ZNF727: variants seen among roughly 807,000 people sequenced by gnomAD.
ZNF727 encodes the protein zinc finger protein 727.
Under a neutral mutation model 11.5 loss-of-function variants are expected in ZNF727, and 11 were observed. That is an observed-to-expected ratio of 0.95 (90% CI 0.60 to 1.58). ZNF727 has a LOEUF of 1.58. ZNF727 is among the 40% of genes most tolerant of loss of function. The pLI is 0.00. For synonymous variants in ZNF727, 171 were observed against 196.1 expected (o/e 0.87, Z 1.07); for missense variants, 533 against 581.7 (o/e 0.92, Z 0.86).
rs1268602419 is a variant in ZNF727, at chr7:64,081,507, G to A, written c.*2958G>A. Among the ~76,000 whole-genome samples, 2 of 152,122 alleles carry A rather than the reference G, an allele frequency of 1.3e-5. No homozygotes were observed. Among genetic ancestry groups the A allele is most frequent in the African/African-American group, 4.8e-5 (2 of 41,436 alleles). On this transcript the variant is annotated 3_prime_UTR_variant, in exon 4 of 4. Transcript: ENST00000456806. Reference sequence around the variant, plus strand: ...TAATATGGGGAGTTGCCATGGTCTTGGGGGAAGCTGGAGTATAGGGAAGAA... The same window carrying A: ...TAATATGGGGAGTTGCCATGGTCTTAGGGGAAGCTGGAGTATAGGGAAGAA...
At chr7:64,051,037 CTATT>C (rs1283163993) in intron 1 of ZNF727, among the ~76,000 whole-genome samples, 3 of 152,014 alleles carry the variant, frequency 2.0e-5, no homozygotes, top group African/African-American at 4.8e-5. Context: ...ATATTTAAAA[CTATT>C]TAATATTTGA....
intron 1 of ZNF727, among the ~76,000 whole-genome samples, chr7:64,050,362 C>T (rs1789574161): frequency 6.6e-6 from 1 of 151,896 alleles, no homozygotes; most frequent in Non-Finnish European, 1.5e-5. Context: ...GCTTCAGGCC[C>T]CAAAAAAACC....
intron 3 of ZNF727, among the ~76,000 whole-genome samples, chr7:64,071,011 GCAGT>G (rs1364575415): frequency 1.3e-5 from 2 of 150,972 alleles, no homozygotes; most frequent in East Asian, 1.9e-4. Flanking sequence ...TTTTTTTTGT[GCAGT>G]CAGTTTCCAC....
chr7:64,052,138 G>A (rs1326345986), intron 1 of ZNF727, among the ~76,000 whole-genome samples: 2 of 152,158 alleles, frequency 1.3e-5, no homozygotes, highest in Non-Finnish European at 2.9e-5. Flanking sequence ...TAAGTGTGCT[G>A]TGTATGAGCA....
chr7:64,080,229 T>C lies in ZNF727; in HGVS notation c.*1680T>C, dbSNP rs1363704116. ...AGTTTGGGGAAATTCTCATGGATGG[T>C]ATCCCGAAATATGTATTTCAAGTTG... On this transcript the variant is annotated 3_prime_UTR_variant, in exon 4 of 4. Transcript: ENST00000456806. Among the ~76,000 whole-genome samples the C allele has an allele frequency of 6.6e-6, 1 of 152,204 alleles. No homozygotes were observed. The highest frequency in any genetic ancestry group is 2.4e-5 in the African/African-American group (1 of 41,462).
Position 64,084,336 on chromosome 7 carries a change from A to T in ZNF727, c.*5787A>T, listed in dbSNP as rs1015410942. Among the ~76,000 whole-genome samples the T allele has an allele frequency of 6.6e-6, 1 of 152,234 alleles. No homozygotes were observed. Among genetic ancestry groups the T allele is most frequent in the Non-Finnish European group, 1.5e-5 (1 of 68,030 alleles). On this transcript the variant is annotated 3_prime_UTR_variant, in exon 4 of 4. Transcript: ENST00000456806. ...CAAAATGCCTTTTTAATGACAATGT[A>T]TGAACTTAATTTATTTTAATAAACC... is the stretch of plus-strand genomic sequence containing the variant.
chr7:64,045,666 T>G, intron 1 of ZNF727, 42 bp downstream of exon 1: 1 of 1,556,062 alleles, frequency 6.4e-7, no homozygotes, highest in South Asian at 1.2e-5. Context: ...GGGAAGAGGC[T>G]GTTTGAATCC....
chr7:64,079,279 A>C lies in ZNF727; in HGVS notation c.*730A>C, dbSNP rs1477305119. Among the ~76,000 whole-genome samples the C allele has an allele frequency of 6.6e-6, 1 of 152,220 alleles. No homozygotes were observed. Among genetic ancestry groups the C allele is most frequent in the Admixed American group, 6.5e-5 (1 of 15,282 alleles). ...GTGGAAAAGCCTTTAACAATTCGTCATATTGTGTTCAACATCAGAGACTTA... is the reference window on the plus strand; with the variant it reads ...GTGGAAAAGCCTTTAACAATTCGTCCTATTGTGTTCAACATCAGAGACTTA... On this transcript the variant is annotated 3_prime_UTR_variant, in exon 4 of 4. Coordinates refer to ENST00000456806, the MANE Select transcript of ZNF727 (RefSeq NM_001159522.3).
chr7:64,052,107 GCCAGAGCAGTGTA>G (rs1361504889), intron 1 of ZNF727, among the ~76,000 whole-genome samples: 1 of 152,110 alleles, frequency 6.6e-6, no homozygotes, highest in East Asian at 1.9e-4. Flanking sequence ...GGTGATCATG[GCCAGAGCAGTGTA>G]CCAGGTCTAA....
At chr7:64,076,531 G>A (rs1785661454) in intron 3 of ZNF727, among the ~76,000 whole-genome samples, 1 of 152,118 alleles carries the variant, frequency 6.6e-6, no homozygotes, top group South Asian at 2.1e-4. Context: ...CCTGAACCCT[G>A]GAGATGGAGG....
At chr7:64,049,600 T>C (rs1176262507) in intron 1 of ZNF727, among the ~76,000 whole-genome samples, 1 of 151,880 alleles carries the variant, frequency 6.6e-6, no homozygotes, top group Non-Finnish European at 1.5e-5. Context: ...TTTAGAAATA[T>C]ATATTTTATA....
In ZNF727 at chr7:64,072,520, A is replaced by G. The variant is rs540172874; in HGVS notation, c.226+2911A>G. On this transcript the variant is annotated intron_variant, in intron 3 of 3. Coordinates refer to ENST00000456806, the MANE Select transcript of ZNF727 (RefSeq NM_001159522.3). The stretch of plus-strand genomic sequence containing the variant: ...CACCTAGATTGGCAGAACTGGCCAC[A>G]AACTGTGACTATCGGTGCTGAAACT... Among the ~76,000 whole-genome samples, 34 of 152,236 alleles carry G rather than the reference A, an allele frequency of 2.2e-4. 1 individual carries two copies. The South Asian group carries it at 6.8e-3, about 31-fold the overall frequency.
rs1365195162 is a variant in ZNF727 at position 64,078,958 on chromosome 7, TA to T, written c.*411del. On this transcript the variant is annotated 3_prime_UTR_variant, in exon 4 of 4. Coordinates refer to ENST00000456806, the MANE Select transcript of ZNF727 (RefSeq NM_001159522.3). Reference sequence around the variant, plus strand: ...TGTGGATCTCGGCCCTTAGAAAACATAAGAGAATTCATACTGGAGAGACACC... The same window carrying T: ...TGTGGATCTCGGCCCTTAGAAAACATAGAGAATTCATACTGGAGAGACACC... 2.3e-5 allele frequency among the ~76,000 whole-genome samples: 3 copies of T among 131,370 alleles called. No individual in the cohort carries two copies. The highest frequency in any genetic ancestry group is 5.1e-5 in the Non-Finnish European group (3 of 58,640). 86.2% of individuals were successfully genotyped at this position (131,370 alleles called of 152,430 possible). A position where few individuals can be genotyped will look rare whatever the true frequency, so the allele number is the denominator to read the frequency against.
At chr7:64,068,280 T>G (rs1249480643) in intron 1 of ZNF727, among the ~76,000 whole-genome samples, 6 of 152,170 alleles carry the variant, frequency 3.9e-5, no homozygotes, top group Non-Finnish European at 8.8e-5. Flanking sequence ...CTGACAGCTC[T>G]TCTTTCTTCT....
At chr7:64,061,988 A>C (rs994514447) in intron 1 of ZNF727, among the ~76,000 whole-genome samples, 1 of 152,062 alleles carries the variant, frequency 6.6e-6, no homozygotes, top group East Asian at 1.9e-4. Flanking sequence ...AAAACTAATA[A>C]AAAATACAGC....
At chr7:64,069,842 G>T (rs1343647191) in intron 3 of ZNF727, among the ~76,000 whole-genome samples, 5 of 151,458 alleles carry the variant, frequency 3.3e-5, no homozygotes, top group African/African-American at 1.2e-4. Flanking sequence ...TGCTGTTGTT[G>T]TTTTTTTTGT....
rs779304557 is a variant in ZNF727 at position 64,077,795 on chromosome 7, A to G, written c.746A>G (p.Asn249Ser). The change falls in exon 4 of 4, where the codon AAT (asparagine) becomes AGT (serine). Residue 249 changes from asparagine (N) to serine (S), a missense_variant. Physicochemically the swap from Asn to Ser is conservative, Grantham distance 46. Transcript: ENST00000456806. The part of the protein sequence containing the change: ...CSSALTKHKR[N>S]HTGDRPYKCE... ...TCAGCCCTTACTAAACACAAGAGAA[A>G]TCATACTGGAGACAGACCCTACAAA... The G allele has an allele frequency of 3.1e-5, 48 of 1,570,228 alleles. No homozygotes were observed. The highest frequency in any genetic ancestry group is 4.0e-5 in the Non-Finnish European group (46 of 1,157,540).
chr7:64,069,911 T>A (rs145434485), intron 3 of ZNF727, among the ~76,000 whole-genome samples: 93 of 152,072 alleles, frequency 6.1e-4, no homozygotes, highest in African/African-American at 2.2e-3. Context: ...TAAAAGAAAA[T>A]GTGTGATTTG....
intron 1 of ZNF727, among the ~76,000 whole-genome samples, chr7:64,063,363 A>G (rs1376813557): frequency 6.6e-6 from 1 of 152,168 alleles, no homozygotes; most frequent in African/African-American, 2.4e-5. Context: ...TAACACTGTG[A>G]TGCTTGCAGA....
Sources: gnomAD v4.1 joint callset for allele counts (sites outside exome capture counted in the v4.1 genomes callset) on GRCh38, gnomAD v4.1.1 for gene constraint, MANE v1.5 for transcripts, NCBI Gene and HGNC (gene_info 2026-07-23, HGNC 2026-07-21) for gene names.